The following SEC24B variants were observed in gnomAD, a reference collection of about 807,000 sequenced individuals.
The protein encoded by SEC24B is protein transport protein Sec24B.
SEC24B carries 45 observed loss-of-function variants against 142.8 expected under a neutral mutation model. That is an observed-to-expected ratio of 0.32 (90% CI 0.25 to 0.40). The LOEUF is 0.40. Ranked by LOEUF, SEC24B falls within the 10% of genes least tolerant of loss-of-function variation. The probability of loss-of-function intolerance (pLI) is 1.00; values close to 1 mark genes in which losing one functional copy is unlikely to be tolerated. For missense variants in SEC24B, 1,409 were observed against 1,526.8 expected, an observed-to-expected ratio of 0.92 and a Z score of 1.29; for synonymous variants, 574 against 568.2, an observed-to-expected ratio of 1.01 and a Z score of -0.15.
chr4:109,513,898 A>G (rs187533140), intron 10 of SEC24B, 42 bp downstream of exon 10: 1 of 1,259,802 alleles, frequency 7.9e-7, no homozygotes, highest in Non-Finnish European at 1.2e-6. Context: ...ACACAATTAC[A>G]TTGGTCATTT....
chr4:109,490,021 TCTAC>T (rs1210512234), intron 4 of SEC24B, among the ~76,000 whole-genome samples: 1 of 152,072 alleles, frequency 6.6e-6, no homozygotes, highest in Non-Finnish European at 1.5e-5. Flanking sequence ...ATTAGTGTCT[TCTAC>T]CTATTACTTA....
At chr4:109,456,615 A>G (rs966634448) in intron 1 of SEC24B, among the ~76,000 whole-genome samples, 2 of 152,172 alleles carry the variant, frequency 1.3e-5, no homozygotes, top group East Asian at 1.9e-4. Flanking sequence ...ATGGATGCCA[A>G]GTTTTATCTA....
chr4:109,509,353 A>C (rs1737057438), intron 7 of SEC24B, among the ~76,000 whole-genome samples: 1 of 152,148 alleles, frequency 6.6e-6, no homozygotes, highest in African/African-American at 2.4e-5. Flanking sequence ...TCCTTTATTC[A>C]TTCTTTGTTT....
chr4:109,494,924 G>A, intron 6 of SEC24B, 68 bp downstream of exon 6: 2 of 1,572,698 alleles, frequency 1.3e-6, no homozygotes, highest in Admixed American at 3.4e-5. Flanking sequence ...TTACTGGTGG[G>A]ATTTGTACCT....
chr4:109,450,183 A>G (rs1318808327), intron 1 of SEC24B, among the ~76,000 whole-genome samples: 2 of 152,202 alleles, frequency 1.3e-5, no homozygotes, highest in Admixed American at 6.5e-5. Flanking sequence ...TTTGTAGTCC[A>G]GACTGGGTGA....
Position 109,536,478 on chromosome 4 carries a change from G to T in SEC24B, c.3589-2015G>T, listed in dbSNP as rs181709729. Reference sequence around the variant, plus strand: ...TTTCAAATGGATCAAACATTTAAATGTAAAAAAGGAAACCATGCAGATCAC... The same window carrying T: ...TTTCAAATGGATCAAACATTTAAATTTAAAAAAGGAAACCATGCAGATCAC... On this transcript the variant is annotated intron_variant, in intron 22 of 23. Coordinates refer to ENST00000265175, the MANE Select transcript of SEC24B (RefSeq NM_006323.5). Among the ~76,000 whole-genome samples the T allele has an allele frequency of 4.7e-4, 72 of 152,252 alleles. No homozygotes were observed. The East Asian group carries it at 0.013, about 28-fold the overall frequency.
chr4:109,513,929 C>T lies in SEC24B; in HGVS notation c.2013+73C>T. On this transcript the variant is annotated intron_variant, in intron 10 of 23. Coordinates refer to ENST00000265175, the MANE Select transcript of SEC24B (RefSeq NM_006323.5). The stretch of plus-strand genomic sequence containing the variant: ...CATTTGTAATTTTCTGTTAAGTGAA[C>T]TCTTATCGAGATTTTGAAGTTGTTT... The T allele has an allele frequency of 3.1e-6, 3 of 959,436 alleles. No homozygotes were observed. The South Asian group carries it at 4.1e-5, about 13-fold the overall frequency. 59.4% of individuals were successfully genotyped at this position (959,436 alleles called of 1,614,324 possible).
chr4:109,523,922 C>T (rs924487618), intron 14 of SEC24B, among the ~76,000 whole-genome samples: 1 of 152,032 alleles, frequency 6.6e-6, no homozygotes, highest in African/African-American at 2.4e-5. Context: ...AAAAAGGCAC[C>T]ATATTTCACC....
intron 17 of SEC24B, 89 bp from the exon 18 acceptor site, chr4:109,527,226 AAAAAAAG>A: frequency 1.1e-6 from 1 of 920,554 alleles, no homozygotes; most frequent in Non-Finnish European, 1.7e-6. Context: ...CTCAAAAAAA[AAAAAAAG>A]AAAGAAAGAA....
chr4:109,470,396 C>G lies in SEC24B; in HGVS notation c.878-2608C>G, dbSNP rs536458597. Among the ~76,000 whole-genome samples the G allele has an allele frequency of 2.6e-5, 4 of 152,308 alleles. No homozygotes were observed. The East Asian group carries it at 5.8e-4, about 22-fold the overall frequency. On this transcript the variant is annotated intron_variant, in intron 2 of 23. Transcript: ENST00000265175. ...AGGTGTTGCTAGTCTGTAGACTACACTTTGAGTATGAGGGCCATAAAGCAC... is the reference window on the plus strand; with the variant it reads ...AGGTGTTGCTAGTCTGTAGACTACAGTTTGAGTATGAGGGCCATAAAGCAC...
At chr4:109,450,396 A>T (rs989364514) in intron 1 of SEC24B, among the ~76,000 whole-genome samples, 7 of 152,038 alleles carry the variant, frequency 4.6e-5, no homozygotes, top group African/African-American at 1.5e-4. Flanking sequence ...GCGGTGGCTC[A>T]CACCTATAAT....
chr4:109,539,718 AAAGCATAATCTG>A lies in SEC24B; in HGVS notation c.*44_*55del, dbSNP rs1327094696. The A allele has an allele frequency of 3.8e-6, 5 of 1,311,686 alleles. No homozygotes were observed. Among genetic ancestry groups the A allele is most frequent in the African/African-American group, 1.5e-5 (1 of 68,086 alleles). The allele number at this position is 1,311,686 out of a possible 1,614,324, so 81.3% of individuals were successfully genotyped here. On this transcript the variant is annotated 3_prime_UTR_variant, in exon 24 of 24. Coordinates refer to ENST00000265175, the MANE Select transcript of SEC24B (RefSeq NM_006323.5). ...TAAGAAAAAGATCTATAACCTAGGT[AAAGCATAATCTG>A]TCAGAGAAGCGCGTGAGAAATTTGA...
chr4:109,511,912 T>G (rs1561157870), intron 8 of SEC24B, 45 bp from the exon 9 acceptor site: 1 of 1,602,700 alleles, frequency 6.2e-7, no homozygotes, highest in Non-Finnish European at 8.5e-7. Flanking sequence ...CTGTTTTTCC[T>G]TGGGGTGCCT....
At chr4:109,470,786 A>G (rs2125954473) in intron 2 of SEC24B, among the ~76,000 whole-genome samples, 1 of 152,356 alleles carries the variant, frequency 6.6e-6, no homozygotes, top group East Asian at 1.9e-4. Context: ...GTAGAGCTGC[A>G]CTCATTAACA....
chr4:109,489,860 T>A (rs1472951097), intron 4 of SEC24B, among the ~76,000 whole-genome samples: 2 of 151,824 alleles, frequency 1.3e-5, no homozygotes, highest in African/African-American at 4.8e-5. Context: ...ATTTGGAGAC[T>A]TTTGACCTGA....
chr4:109,533,721 G>A (rs987862345), intron 22 of SEC24B, 36 bp downstream of exon 22: 42 of 1,241,922 alleles, frequency 3.4e-5, no homozygotes, highest in Non-Finnish European at 4.9e-5. Context: ...CTTTTTGTTT[G>A]CTCATTTTTT....
chr4:109,520,448 T>G lies in SEC24B; in HGVS notation c.2209T>G (p.Ser737Ala), dbSNP rs73838807. The G allele has an allele frequency of 1.7e-4, 281 of 1,609,318 alleles. 2 individuals carry two copies. The African/African-American group carries it at 3.3e-3, about 19-fold the overall frequency. The change falls in exon 12 of 24, where the codon TCA becomes GCA. Residue 737 changes from serine (S) to alanine (A), a missense_variant. By Grantham distance (99) the Ser-to-Ala change is moderately conservative (BLOSUM62 1). Around this residue, in one of 2 missense-constraint regions of SEC24B, gnomAD observed 700 missense variants for 853.3 expected, o/e 0.82. Transcript: ENST00000265175. The stretch of plus-strand genomic sequence containing the variant: ...TTTCTACAATTTACAAGAAGGATTA[T>G]CACAGCCTCAAATGTTGATTGTGTC... Reference protein sequence around the residue: ...IHFYNLQEGLSQPQMLIVSDI... With the variant: ...IHFYNLQEGLAQPQMLIVSDI...
intron 5 of SEC24B, 21 bp from the exon 6 acceptor site, chr4:109,494,594 C>T (rs10020652): frequency 1.7e-5 from 28 of 1,612,764 alleles, no homozygotes; most frequent in Non-Finnish European, 2.3e-5. Flanking sequence ...GTTGTTAACA[C>T]CATGTGTTTC....
intron 1 of SEC24B, among the ~76,000 whole-genome samples, chr4:109,444,374 G>A (rs1373116477): frequency 6.6e-6 from 1 of 151,722 alleles, no homozygotes; most frequent in East Asian, 1.9e-4. Context: ...GGTGGTGTTA[G>A]TAATGAATTA....
Sources: gnomAD v4.1 joint callset for allele counts (sites outside exome capture counted in the v4.1 genomes callset) on GRCh38, gnomAD v4.1.1 for gene constraint, gnomAD v4.1.1 regional missense constraint, MANE v1.5 for transcripts, NCBI Gene and HGNC (gene_info 2026-07-23, HGNC 2026-07-21) for gene names.